The following CTNND2 variants were observed in gnomAD, a reference collection of about 807,000 sequenced individuals.
The protein encoded by CTNND2 is catenin delta-2.
CTNND2 carries 22 observed loss-of-function variants against 144.4 expected under a neutral mutation model. The ratio of observed to expected loss-of-function variants is 0.15; its 90% CI spans 0.11 to 0.22. The LOEUF is 0.22. Among genes scored for constraint, CTNND2 ranks in the 10% least tolerant of loss-of-function variants. The probability of loss-of-function intolerance (pLI) is 1.00; values close to 1 mark genes in which losing one functional copy is unlikely to be tolerated. For missense variants in CTNND2, 1,353 were observed against 1,618.8 expected, an observed-to-expected ratio of 0.84 and a Z score of 2.82; for synonymous variants, 751 against 695.6, an observed-to-expected ratio of 1.08 and a Z score of -1.25.
intron 3 of CTNND2, among the ~76,000 whole-genome samples, chr5:11,544,207 CT>C (rs1292501986): frequency 6.6e-6 from 1 of 151,448 alleles, no homozygotes; most frequent in African/African-American, 2.4e-5. Context: ...CGGAGTCTCC[CT>C]CTGTCTCCCA....
At position 11,375,187 on chromosome 5, in the gene CTNND2, T is replaced by A. The variant is rs191896729; in HGVS notation, c.1177+9478A>T. 6.0e-3 allele frequency among the ~76,000 whole-genome samples: 916 copies of A among 152,272 alleles called. 40 individuals carry two copies. Among genetic ancestry groups the A allele is most frequent in the Admixed American group, 0.055 (838 of 15,294 alleles). On this transcript the variant is annotated intron_variant, in intron 7 of 21. Transcript: ENST00000304623. ...GACATTTAGCTTCTAAAATACAAAC[T>A]GAAAATGTATTCTCCCTATATCATT... is the stretch of plus-strand genomic sequence containing the variant.
At chr5:11,613,779 C>T (rs1470568167) in intron 2 of CTNND2, among the ~76,000 whole-genome samples, 1 of 152,132 alleles carries the variant, frequency 6.6e-6, no homozygotes, top group Admixed American at 6.5e-5. Flanking sequence ...AGAATTAGGC[C>T]TTAATCTGTG....
chr5:11,712,034 A>C (rs919173561), intron 2 of CTNND2, among the ~76,000 whole-genome samples: 1 of 152,158 alleles, frequency 6.6e-6, no homozygotes, highest in African/African-American at 2.4e-5. Context: ...ATGTTGGATA[A>C]AAGACTTAAG....
chr5:11,333,271 T>A (rs1422466738), intron 9 of CTNND2, among the ~76,000 whole-genome samples: 1 of 152,190 alleles, frequency 6.6e-6, no homozygotes, highest in Non-Finnish European at 1.5e-5. Context: ...TTTTCTTTTT[T>A]TTGTTTTTTT....
At chr5:11,111,996 G>A (rs1334288757) in intron 13 of CTNND2, among the ~76,000 whole-genome samples, 3 of 151,864 alleles carry the variant, frequency 2.0e-5, no homozygotes, top group Non-Finnish European at 4.4e-5. Flanking sequence ...ACAGGCACCC[G>A]CCACTACGCC....
intron 3 of CTNND2, among the ~76,000 whole-genome samples, chr5:11,475,158 C>T (rs2149963144): frequency 6.6e-6 from 1 of 152,328 alleles, no homozygotes; most frequent in Admixed American, 6.5e-5. Context: ...ATTTCACATT[C>T]ATAGCCTGTG....
intron 2 of CTNND2, among the ~76,000 whole-genome samples, chr5:11,659,202 A>G (rs1368623013): frequency 5.3e-5 from 8 of 152,142 alleles, no homozygotes; most frequent in Admixed American, 5.2e-4. Flanking sequence ...TTTTCATAGT[A>G]TTTACATTGT....
intron 3 of CTNND2, among the ~76,000 whole-genome samples, chr5:11,504,749 C>A (rs1173208247): frequency 6.6e-6 from 1 of 152,184 alleles, no homozygotes; most frequent in African/African-American, 2.4e-5. Context: ...CCACAGGGAC[C>A]ATCTGACAGC....
intron 16 of CTNND2, among the ~76,000 whole-genome samples, chr5:11,051,640 C>A (rs1241341161): frequency 1.3e-5 from 2 of 152,214 alleles, no homozygotes; most frequent in Admixed American, 6.5e-5. Flanking sequence ...AGAGTTGAGT[C>A]ATTTCCTCTA....
chr5:11,111,631 A>G (rs1752992666), intron 13 of CTNND2, among the ~76,000 whole-genome samples: 1 of 152,210 alleles, frequency 6.6e-6, no homozygotes, highest in Non-Finnish European at 1.5e-5. Flanking sequence ...AAGGTTAAAC[A>G]GTGGTTAAGG....
Position 11,327,942 on chromosome 5 carries a change from T to C in CTNND2, c.1628+18430A>G, listed in dbSNP as rs144616385. ...GTTTTGGTCAGTCTAGTGTTTGTAA[T>C]TTTTTAAGTACAATAATATATTTTA... On this transcript the variant is annotated intron_variant, in intron 9 of 21. Coordinates refer to ENST00000304623, the MANE Select transcript of CTNND2 (RefSeq NM_001332.4). Among the ~76,000 whole-genome samples, 1,457 of 152,334 alleles carry C rather than the reference T, an allele frequency of 9.6e-3. 8 individuals carry two copies. Among genetic ancestry groups the C allele is most frequent in the South Asian group, 0.047 (227 of 4,828 alleles).
chr5:11,816,266 G>A (rs566388393), intron 1 of CTNND2, among the ~76,000 whole-genome samples: 1 of 152,110 alleles, frequency 6.6e-6, no homozygotes, highest in Non-Finnish European at 1.5e-5. Flanking sequence ...GTTCCCACTG[G>A]CTACCTGAAC....
At chr5:11,383,635 C>G (rs924297618) in intron 7 of CTNND2, among the ~76,000 whole-genome samples, 5 of 152,218 alleles carry the variant, frequency 3.3e-5, no homozygotes, top group African/African-American at 1.2e-4. Flanking sequence ...CCTTGGCCAC[C>G]TGCCTCATGC....
chr5:11,482,839 T>A (rs558558483), intron 3 of CTNND2, among the ~76,000 whole-genome samples: 1 of 152,072 alleles, frequency 6.6e-6, no homozygotes, highest in African/African-American at 2.4e-5. Flanking sequence ...AAGGGGCTGG[T>A]GCAGAACCAG....
intron 21 of CTNND2, among the ~76,000 whole-genome samples, chr5:10,978,939 T>G (rs537249051): frequency 6.6e-6 from 1 of 152,312 alleles, no homozygotes; most frequent in Admixed American, 6.5e-5. Context: ...TAAATCTAGA[T>G]GGCAAGCAGT....
intron 3 of CTNND2, among the ~76,000 whole-genome samples, chr5:11,503,270 A>G (rs1770708540): frequency 6.6e-6 from 1 of 152,228 alleles, no homozygotes; most frequent in Admixed American, 6.5e-5. Flanking sequence ...GTAAGGGTAT[A>G]TTGTTACGCT....
intron 21 of CTNND2, among the ~76,000 whole-genome samples, chr5:10,978,783 A>G (rs57399068): frequency 6.6e-6 from 1 of 152,066 alleles, no homozygotes; most frequent in African/African-American, 2.4e-5. Context: ...CATTCTGGAG[A>G]CCTCTGGGAG....
At chr5:11,346,295 T>C in intron 9 of CTNND2, 77 bp downstream of exon 9, 1 of 1,280,868 alleles carries the variant, frequency 7.8e-7, no homozygotes, top group Non-Finnish European at 1.0e-6. Context: ...AAATGCAACA[T>C]GACGTGAAAT....
chr5:11,707,085 C>CAA (rs372658494), intron 2 of CTNND2, among the ~76,000 whole-genome samples: 5 of 103,190 alleles, frequency 4.8e-5, no homozygotes, highest in Admixed American at 1.1e-4. Context: ...TACTCCATCT[C>CAA]AAAAAAAAAA....
Sources: allele counts gnomAD v4.1 joint callset (sites outside exome capture counted in the v4.1 genomes callset), GRCh38; gene constraint gnomAD v4.1.1; transcripts MANE v1.5; gene names NCBI Gene and HGNC (gene_info 2026-07-23, HGNC 2026-07-21).